Variants in SAMD11 observed in about 807,000 individuals in gnomAD.
The protein encoded by SAMD11 is sterile alpha motif domain containing 11.
In SAMD11, 77 loss-of-function variants were observed where a neutral mutation model predicts 64.4. That is an observed-to-expected ratio of 1.20 (90% CI 0.99 to 1.44). SAMD11 has a LOEUF of 1.44. Among genes scored for constraint, SAMD11 ranks in the 40% most tolerant of loss-of-function variants. The pLI, the probability that SAMD11 is intolerant of heterozygous loss-of-function variation, is 0.00. For missense variants in SAMD11, 1,402 were observed against 943.3 expected, an observed-to-expected ratio of 1.49 and a Z score of -6.37; for synonymous variants, 658 against 421.9, an observed-to-expected ratio of 1.56 and a Z score of -6.86.
chr1:933,701 A>AT (rs1641275075), intron 4 of SAMD11, among the ~76,000 whole-genome samples: 1 of 151,858 alleles, frequency 6.6e-6, no homozygotes, highest in South Asian at 2.1e-4. Context: ...GATTAATCCC[A>AT]TAAAGTACTT....
At chr1:938,363 G>T (rs530010276) in intron 5 of SAMD11, among the ~76,000 whole-genome samples, 145 of 152,300 alleles carry the variant, frequency 9.5e-4, no homozygotes, top group African/African-American at 3.4e-3. Flanking sequence ...GAGGAGGTGG[G>T]TGAAGCTACT....
At chr1:925,886 G>C in intron 1 of SAMD11, 36 bp from the exon 2 acceptor site, 1 of 1,490,860 alleles carries the variant, frequency 6.7e-7, no homozygotes, top group Non-Finnish European at 9.3e-7. Flanking sequence ...GAAGCGTGCC[G>C]CTCCCTCACA....
intron 4 of SAMD11, among the ~76,000 whole-genome samples, chr1:932,482 G>A (rs1641213894): frequency 6.6e-6 from 1 of 152,216 alleles, no homozygotes; most frequent in Admixed American, 6.5e-5. Context: ...AGGGCGTGCT[G>A]GGGTCCCCGG....
intron 12 of SAMD11, 96 bp from the exon 13 acceptor site, chr1:943,602 A>G (rs1448508832): frequency 1.5e-6 from 2 of 1,332,256 alleles, no homozygotes; most frequent in East Asian, 2.7e-5. Flanking sequence ...TTTTTAAAAA[A>G]TTTCCGTGAG....
rs747328159 is a variant in SAMD11, at chr1:941,224, A to G, written c.1276A>G (p.Thr426Ala). The change falls in exon 8 of 14, where the codon ACG (threonine) becomes GCG (alanine). Residue 426 changes from threonine to alanine, a missense_variant. By Grantham distance (58) the Thr-to-Ala change is moderately conservative (BLOSUM62 0). Transcript: ENST00000616016. ...CCTGGAAGCCCACCTGCCCTCCTCC[A>G]CGGCAGGTCAGCGTCGGAAGCAGGG... The part of the protein sequence containing the change: ...SGLEAHLPSS[T>A]AGQRRKQGLA... 1.2e-6 allele frequency: 2 copies of G among 1,601,424 alleles called. No homozygotes were observed. The highest frequency in any genetic ancestry group is 2.7e-5 in the African/African-American group (2 of 74,758).
In SAMD11 at chr1:944,002, T is replaced by C. The variant is rs372782862; in HGVS notation, c.2384T>C (p.Leu795Pro). ...PPTLRAPERE[L>P]GTGEQPLSPT... ...ACCCTGCGGGCCCCGGAGCGAGAAC[T>C]CGGCACAGGAGAGCAGCCCTTGTCC... is the stretch of plus-strand genomic sequence containing the variant. The change falls in exon 14 of 14, where the codon CTC becomes CCC. Residue 795 changes from leucine to proline, a missense_variant. Coordinates refer to ENST00000616016, the MANE Select transcript of SAMD11 (RefSeq NM_001385641.1). The C allele has an allele frequency of 6.2e-7, 1 of 1,612,720 alleles. No homozygotes were observed. The highest frequency in any genetic ancestry group is 8.5e-7 in the Non-Finnish European group (1 of 1,179,996).
At chr1:928,581 T>A (rs1465670517) in intron 2 of SAMD11, among the ~76,000 whole-genome samples, 1 of 152,254 alleles carries the variant, frequency 6.6e-6, no homozygotes, top group Non-Finnish European at 1.5e-5. Flanking sequence ...ACAGGCATCA[T>A]ACCTTCGGCC....
intron 5 of SAMD11, among the ~76,000 whole-genome samples, chr1:936,299 C>G (rs1008810898): frequency 3.9e-5 from 5 of 127,182 alleles, no homozygotes; most frequent in African/African-American, 1.6e-4. Context: ...GGCTCCTGGA[C>G]GGAGGGGGTC....
Position 944,488 on chromosome 1 carries a change from T to A in SAMD11, c.*335T>A, listed in dbSNP as rs1642027785. On this transcript the variant is annotated 3_prime_UTR_variant, in exon 14 of 14. Coordinates refer to ENST00000616016, the MANE Select transcript of SAMD11 (RefSeq NM_001385641.1). ...AGCTGACTTCAGCAGCCCACAGCTG[T>A]GGGGCTTCAGCAGCCACACCAGCCC... 1 of 676,608 alleles carries A rather than the reference T, an allele frequency of 1.5e-6. No homozygotes were observed. The highest frequency in any genetic ancestry group is 2.4e-6 in the Non-Finnish European group (1 of 423,162). 41.9% of individuals were successfully genotyped at this position (676,608 alleles called of 1,614,324 possible). A position where few individuals can be genotyped will look rare whatever the true frequency, so the allele number is the denominator to read the frequency against.
At chr1:932,259 G>T (rs1043757800) in intron 4 of SAMD11, among the ~76,000 whole-genome samples, 56 of 152,184 alleles carry the variant, frequency 3.7e-4, no homozygotes, top group Non-Finnish European at 5.4e-4. Flanking sequence ...CCCAGCCGCG[G>T]TCCCCCCGAC....
In SAMD11 at chr1:925,968, T is replaced by G. The variant is rs2100289376; in HGVS notation, c.564T>G (p.His188Gln). The G allele has an allele frequency of 6.2e-7, 1 of 1,612,162 alleles. No individual in the cohort carries two copies. The highest frequency in any genetic ancestry group is 2.2e-5 in the East Asian group (1 of 44,872). ...TGTCCAAGGGGATCCTGCAGGTGCA[T>G]CCTCCGATCTGCGACTGCCCGGGCT... ...TLMSKGILQV[H>Q]PPICDCPGCR... Residue 188 changes from histidine to glutamine, a missense_variant, in exon 2 of 14, where the codon CAT becomes CAG. His to Gln is a conservative substitution (Grantham distance 24). Transcript: ENST00000616016.
At chr1:943,589 C>CT (rs1641957784) in intron 12 of SAMD11, 109 bp from the exon 13 acceptor site, 2 of 1,117,792 alleles carry the variant, frequency 1.8e-6, no homozygotes, top group South Asian at 1.8e-5. Context: ...CAACAGATCA[C>CT]TGTTTTTAAA....
In SAMD11 at chr1:943,010, A is replaced by G; in HGVS notation, c.2005A>G (p.Thr669Ala). 7.1e-6 allele frequency: 11 copies of G among 1,539,374 alleles called. No homozygotes were observed. Among genetic ancestry groups the G allele is most frequent in the Non-Finnish European group, 8.7e-6 (10 of 1,146,342 alleles). The change falls in exon 11 of 14, where the codon ACA becomes GCA. Residue 669 changes from threonine (T) to alanine (A), a missense_variant. Transcript: ENST00000616016. Reference protein sequence around the residue: ...AEGKGLFPGSTLPLGFPYAVS... With the variant: ...AEGKGLFPGSALPLGFPYAVS... ...GGGGAAGGGGCTTTTCCCAGGGTCC[A>G]CACTGCCCCTGGGCTTCCCTTATGC...
At chr1:943,856 A>G (rs1161063148) in intron 13 of SAMD11, 48 bp downstream of exon 13, 1 of 1,613,034 alleles carries the variant, frequency 6.2e-7, no homozygotes. Flanking sequence ...ACAGCTGGGC[A>G]GAAAGCTCTG....
intron 2 of SAMD11, among the ~76,000 whole-genome samples, chr1:927,827 G>T (rs1252791240): frequency 6.6e-6 from 1 of 152,248 alleles, no homozygotes; most frequent in Admixed American, 6.5e-5. Flanking sequence ...CTTGGGCAGG[G>T]TGGGTGGCAG....
chr1:935,760 C>T lies in SAMD11; in HGVS notation c.843-12C>T, dbSNP rs554373504. The T allele has an allele frequency of 2.5e-6, 4 of 1,613,186 alleles. No homozygotes were observed. Among genetic ancestry groups the T allele is most frequent in the African/African-American group, 2.7e-5 (2 of 75,064 alleles). On this transcript the variant is annotated splice_polypyrimidine_tract_variant and intron_variant, in intron 4 of 13. Coordinates refer to ENST00000616016, the MANE Select transcript of SAMD11 (RefSeq NM_001385641.1). Reference sequence around the variant, plus strand: ...GCCCACGGGGTCAGCTTTTCCCGGTCTCGTTCTGCAGCCAGGACGGCAACC... The same window carrying T: ...GCCCACGGGGTCAGCTTTTCCCGGTTTCGTTCTGCAGCCAGGACGGCAACC...
In SAMD11 at chr1:930,313, G is replaced by GCA. The variant is rs750898324; in HGVS notation, c.771_772dup (p.Ile258ThrfsTer5). On this transcript the variant is annotated frameshift_variant, in exon 3 of 14. Transcript: ENST00000616016. LOFTEE classifies it high-confidence loss of function. ...CAGGCTTGAAGCAGGAGGATGGTCCGCACATCCGTATCATGAAGAGAAGGT... is the reference window on the plus strand; with the variant it reads ...CAGGCTTGAAGCAGGAGGATGGTCCGCACACATCCGTATCATGAAGAGAAGGT... 6.2e-7 allele frequency: 1 copy of GCA among 1,606,058 alleles called. No individual in the cohort carries two copies. Among genetic ancestry groups the GCA allele is most frequent in the South Asian group, 1.1e-5 (1 of 89,424 alleles).
At chr1:940,150 G>A (rs1358894955) in intron 7 of SAMD11, among the ~76,000 whole-genome samples, 1 of 152,212 alleles carries the variant, frequency 6.6e-6, no homozygotes, top group Non-Finnish European at 1.5e-5. Flanking sequence ...CAGGCACCAA[G>A]AGCCTGAATA....
chr1:935,469 T>G (rs1193431103), intron 4 of SAMD11, among the ~76,000 whole-genome samples: 1 of 152,058 alleles, frequency 6.6e-6, no homozygotes, highest in African/African-American at 2.4e-5. Flanking sequence ...GGGAGTGAGA[T>G]AACTGTGATT....
Sources: allele counts gnomAD v4.1 joint callset (sites outside exome capture counted in the v4.1 genomes callset), GRCh38; gene constraint gnomAD v4.1.1; transcripts MANE v1.5; gene names NCBI Gene and HGNC (gene_info 2026-07-23, HGNC 2026-07-21).